PKP4: variants seen among roughly 807,000 people sequenced by gnomAD.
The protein encoded by PKP4 is plakophilin-4.
In PKP4, 90 loss-of-function variants were observed where a neutral mutation model predicts 145.1. The observed-to-expected ratio is 0.62, with a 90% confidence interval of 0.52 to 0.74. The LOEUF is 0.74. Among genes scored for constraint, PKP4 ranks in the 30% least tolerant of loss-of-function variants. The pLI is 0.00. For synonymous variants in PKP4, 563 were observed against 577.2 expected (o/e 0.98, Z 0.35); for missense variants, 1,340 against 1,482.7 (o/e 0.90, Z 1.58).
intron 3 of PKP4, among the ~76,000 whole-genome samples, chr2:158,602,407 T>C (rs771869552): frequency 1.3e-5 from 2 of 152,224 alleles, no homozygotes; most frequent in Non-Finnish European, 2.9e-5. Context: ...TCCATTCTGT[T>C]GTTCCTGTAT....
intron 1 of PKP4, among the ~76,000 whole-genome samples, chr2:158,506,104 G>A (rs897858222): frequency 2.0e-5 from 3 of 152,236 alleles, no homozygotes; most frequent in Non-Finnish European, 4.4e-5. Flanking sequence ...ATCAGACTGC[G>A]TTTCCTTCAG....
At chr2:158,474,876 C>A (rs901276616) in intron 1 of PKP4, among the ~76,000 whole-genome samples, 18 of 152,198 alleles carry the variant, frequency 1.2e-4, no homozygotes, top group African/African-American at 4.3e-4. Flanking sequence ...CACCACCTGA[C>A]TGATGCCTTG....
intron 1 of PKP4, among the ~76,000 whole-genome samples, chr2:158,471,119 G>C (rs1186661123): frequency 6.6e-6 from 1 of 152,186 alleles, no homozygotes; most frequent in African/African-American, 2.4e-5. Flanking sequence ...GAGCCTTGGA[G>C]GTGAAGGAGA....
intron 12 of PKP4, chr2:158,658,640 C>T (rs1391266906): frequency 9.6e-6 from 2 of 208,456 alleles, no homozygotes; most frequent in East Asian, 2.3e-4. Flanking sequence ...GTGTTTGCAG[C>T]CTGCTGTTTG....
intron 1 of PKP4, among the ~76,000 whole-genome samples, chr2:158,475,983 T>A (rs1022340166): frequency 6.6e-6 from 1 of 152,214 alleles, no homozygotes; most frequent in South Asian, 2.1e-4. Context: ...ATAGCTTTCA[T>A]CAGATTTTCA....
chr2:158,532,198 G>T (rs903267306), intron 1 of PKP4, among the ~76,000 whole-genome samples: 1 of 152,186 alleles, frequency 6.6e-6, no homozygotes, highest in Non-Finnish European at 1.5e-5. Flanking sequence ...GTTTGCAAGA[G>T]AAAACTGAAG....
intron 3 of PKP4, among the ~76,000 whole-genome samples, chr2:158,601,736 A>C (rs2050249363): frequency 1.3e-5 from 2 of 152,188 alleles, no homozygotes; most frequent in African/African-American, 4.8e-5. Context: ...GAACTACTGC[A>C]CCTGTGATGG....
chr2:158,577,723 AT>A (rs963040200), intron 3 of PKP4, among the ~76,000 whole-genome samples: 1 of 152,130 alleles, frequency 6.6e-6, no homozygotes, highest in Non-Finnish European at 1.5e-5. Flanking sequence ...CCTGGTATTG[AT>A]TTTTTTAAAA....
At chr2:158,609,545 A>T (rs1003989141) in intron 4 of PKP4, among the ~76,000 whole-genome samples, 2 of 152,192 alleles carry the variant, frequency 1.3e-5, no homozygotes, top group Non-Finnish European at 2.9e-5. Context: ...TACAAATTTG[A>T]CTTGAAAAGC....
chr2:158,664,526 C>T (rs373673551), intron 15 of PKP4, among the ~76,000 whole-genome samples: 1 of 152,192 alleles, frequency 6.6e-6, no homozygotes, highest in East Asian at 1.9e-4. Context: ...TCTTCCCCCA[C>T]CTTAACCCCC....
At chr2:158,594,316 A>C (rs1201712993) in intron 3 of PKP4, among the ~76,000 whole-genome samples, 2 of 152,212 alleles carry the variant, frequency 1.3e-5, no homozygotes, top group Non-Finnish European at 2.9e-5. Flanking sequence ...TATCACCCTC[A>C]GATCATATAA....
At chr2:158,630,836 T>C (rs2053276049) in intron 7 of PKP4, among the ~76,000 whole-genome samples, 1 of 152,270 alleles carries the variant, frequency 6.6e-6, no homozygotes, top group African/African-American at 2.4e-5. Flanking sequence ...AATAGCTTAC[T>C]GGAGGATGAA....
chr2:158,510,830 C>G (rs767897955), intron 1 of PKP4, among the ~76,000 whole-genome samples: 1 of 152,194 alleles, frequency 6.6e-6, no homozygotes, highest in African/African-American at 2.4e-5. Flanking sequence ...GCCCACTGTG[C>G]CCCCCATTTG....
At chr2:158,577,044 A>G (rs1186721703) in intron 2 of PKP4, among the ~76,000 whole-genome samples, 2 of 152,164 alleles carry the variant, frequency 1.3e-5, no homozygotes, top group Non-Finnish European at 2.9e-5. Context: ...AAAGATCTAC[A>G]TGGTTTTTAT....
intron 3 of PKP4, among the ~76,000 whole-genome samples, chr2:158,585,930 CT>C (rs2048765224): frequency 6.8e-6 from 1 of 146,080 alleles, no homozygotes; most frequent in Non-Finnish European, 1.5e-5. Flanking sequence ...CCCTTTTTTC[CT>C]TTTCCCTGTC....
intron 4 of PKP4, among the ~76,000 whole-genome samples, chr2:158,614,667 T>G (rs2105878064): frequency 6.6e-6 from 1 of 152,298 alleles, no homozygotes; most frequent in East Asian, 1.9e-4. Flanking sequence ...CCAAAGCCAC[T>G]TATGCATGAT....
intron 2 of PKP4, among the ~76,000 whole-genome samples, 158 bp from the exon 3 acceptor site, chr2:158,577,113 G>A (rs756280516): frequency 2.0e-5 from 3 of 152,040 alleles, no homozygotes; most frequent in Non-Finnish European, 4.4e-5. Context: ...GAATCAATAG[G>A]TCATTTATTT....
intron 3 of PKP4, among the ~76,000 whole-genome samples, chr2:158,583,504 T>A (rs892141462): frequency 6.6e-6 from 1 of 152,226 alleles, no homozygotes; most frequent in African/African-American, 2.4e-5. Context: ...CAGAGATAAC[T>A]ACTATACATT....
chr2:158,499,414 T>A (rs546733330), intron 1 of PKP4, among the ~76,000 whole-genome samples: 11 of 152,308 alleles, frequency 7.2e-5, no homozygotes, highest in Admixed American at 3.3e-4. Flanking sequence ...TTTCCTCACT[T>A]GTTCTTAAGA....
Sources: gnomAD v4.1 joint callset for allele counts (sites outside exome capture counted in the v4.1 genomes callset) on GRCh38, gnomAD v4.1.1 for gene constraint, MANE v1.5 for transcripts, NCBI Gene and HGNC (gene_info 2026-07-23, HGNC 2026-07-21) for gene names.